Variants in ABHD6 observed in about 807,000 individuals in gnomAD.
ABHD6 encodes the protein abhydrolase domain containing 6, acylglycerol lipase.
ABHD6 carries 33 observed loss-of-function variants against 38.8 expected under a neutral mutation model. The observed-to-expected ratio is 0.85, with a 90% confidence interval of 0.64 to 1.14. The LOEUF (loss-of-function observed/expected upper bound fraction) is 1.14, where lower values mean the gene tolerates loss of function less well. ABHD6 is among the 50% of genes most tolerant of loss of function. The pLI is 0.00. For synonymous variants in ABHD6, 147 were observed against 161.6 expected (o/e 0.91, Z 0.69); for missense variants, 380 against 422.6 (o/e 0.90, Z 0.88).
At chr3:58,272,197 T>C (rs2097445527) in intron 6 of ABHD6, among the ~76,000 whole-genome samples, 1 of 152,192 alleles carries the variant, frequency 6.6e-6, no homozygotes. Flanking sequence ...TTTTTACGTA[T>C]GCAGTTACCA....
At chr3:58,274,602 T>C in intron 6 of ABHD6, 56 bp from the exon 7 acceptor site, 1 of 1,552,088 alleles carries the variant, frequency 6.4e-7, no homozygotes, top group East Asian at 2.3e-5. Flanking sequence ...CTATATAAAA[T>C]GGGATTGGTA....
chr3:58,269,260 GA>G lies in ABHD6; in HGVS notation c.277-57del. Reference sequence around the variant, plus strand: ...CACTGTACATGGGGCAACCTCCCAAGAAAATGGGCAGACATGTTTTGCACAC... The same window carrying G: ...CACTGTACATGGGGCAACCTCCCAAGAAATGGGCAGACATGTTTTGCACAC... On this transcript the variant is annotated intron_variant, in intron 4 of 9. Coordinates refer to ENST00000478253, the MANE Select transcript of ABHD6 (RefSeq NM_001320126.2). This position sits in a 1 kb window ranked among gnomAD's most constrained non-coding sequence, Gnocchi z 4.4. 1 of 1,362,398 alleles carries G rather than the reference GA, an allele frequency of 7.3e-7. No homozygotes were observed. The highest frequency in any genetic ancestry group is 1.0e-6 in the Non-Finnish European group (1 of 961,076). 84.4% of individuals were successfully genotyped at this position (1,362,398 alleles called of 1,614,324 possible). A position where few individuals can be genotyped will look rare whatever the true frequency, so the allele number is the denominator to read the frequency against.
chr3:58,259,505 CCCCG>C lies in ABHD6; in HGVS notation c.119+2801_119+2804del, dbSNP rs1409706151. Among the ~76,000 whole-genome samples, 12 of 152,050 alleles carry C rather than the reference CCCCG, an allele frequency of 7.9e-5. No individual in the cohort carries two copies. The South Asian group carries it at 1.9e-3, about 24-fold the overall frequency. Reference sequence around the variant, plus strand: ...GACCAGCCTGGCCAACATGGCGAAACCCCGTCTCTACTAAAAATACAAAAAATTA... The same window carrying C: ...GACCAGCCTGGCCAACATGGCGAAACTCTCTACTAAAAATACAAAAAATTA... On this transcript the variant is annotated intron_variant, in intron 3 of 9. Coordinates refer to ENST00000478253, the MANE Select transcript of ABHD6 (RefSeq NM_001320126.2). This position sits in a 1 kb window ranked among gnomAD's most constrained non-coding sequence, Gnocchi z 4.7.
At chr3:58,246,119 C>G (rs1270709550) in intron 1 of ABHD6, among the ~76,000 whole-genome samples, 3 of 152,190 alleles carry the variant, frequency 2.0e-5, no homozygotes, top group African/African-American at 7.2e-5. Flanking sequence ...CAAATCAAAG[C>G]CTGTTGTGGG....
chr3:58,248,934 C>G (rs1269256009), intron 1 of ABHD6, among the ~76,000 whole-genome samples: 1 of 152,136 alleles, frequency 6.6e-6, no homozygotes, highest in Non-Finnish European at 1.5e-5. Flanking sequence ...ATTTGCATAT[C>G]TCTTATTATA....
chr3:58,240,325 C>T lies in ABHD6; in HGVS notation c.-91+2409C>T, dbSNP rs1033119247. Among the ~76,000 whole-genome samples, 2 of 151,768 alleles carry T rather than the reference C, an allele frequency of 1.3e-5. 1 individual carries two copies. The highest frequency in any genetic ancestry group is 1.3e-4 in the Admixed American group (2 of 15,244). ...AACTCTTGGGCTCAAGTGATTCTCC[C>T]ACCTCAGCCTCCCAAGTAGCTAGAA... On this transcript the variant is annotated intron_variant, in intron 1 of 9. Transcript: ENST00000478253.
At chr3:58,252,190 G>A (rs1401550868) in intron 2 of ABHD6, among the ~76,000 whole-genome samples, 1 of 144,098 alleles carries the variant, frequency 6.9e-6, no homozygotes, top group Non-Finnish European at 1.5e-5. Flanking sequence ...CTATATTCAT[G>A]TGTCACCTAC....
Position 58,256,687 on chromosome 3 carries a change from T to C in ABHD6, c.101T>C (p.Leu34Pro). ...VASFLLWPSALIRIYYWYWRR... is the reference protein window; with the variant it reads ...VASFLLWPSAPIRIYYWYWRR... The stretch of plus-strand genomic sequence containing the variant: ...TCATTTCTTCTGTGGCCTTCAGCAC[T>C]GATAAGAATCTATTATTGGTAAGCC... Residue 34 changes from leucine to proline, a missense_variant, in exon 3 of 10, where the codon CTG becomes CCG. Coordinates refer to ENST00000478253, the MANE Select transcript of ABHD6 (RefSeq NM_001320126.2). This position sits in a 1 kb window ranked among gnomAD's most constrained non-coding sequence, Gnocchi z 4.3. The C allele has an allele frequency of 6.2e-7, 1 of 1,612,416 alleles. No homozygotes were observed. The highest frequency in any genetic ancestry group is 8.5e-7 in the Non-Finnish European group (1 of 1,179,642).
chr3:58,288,263 C>G (rs1439326602), intron 9 of ABHD6, among the ~76,000 whole-genome samples: 1 of 152,190 alleles, frequency 6.6e-6, no homozygotes, highest in African/African-American at 2.4e-5. Flanking sequence ...CCAAATTCAG[C>G]TTCCTTCTTC....
At position 58,257,226 on chromosome 3, in the gene ABHD6, A is replaced by G. The variant is rs1258215627; in HGVS notation, c.119+521A>G. On this transcript the variant is annotated intron_variant, in intron 3 of 9. Coordinates refer to ENST00000478253, the MANE Select transcript of ABHD6 (RefSeq NM_001320126.2). This position sits in a 1 kb window ranked among gnomAD's most constrained non-coding sequence, Gnocchi z 4.8. ...CCGGCCCTTTTAGGTTTCTGATAGC[A>G]TCTTTCTCCACCCACATTCCCAAAG... Among the ~76,000 whole-genome samples, 1 of 151,882 alleles carries G rather than the reference A, an allele frequency of 6.6e-6. No homozygotes were observed. Among genetic ancestry groups the G allele is most frequent in the Non-Finnish European group, 1.5e-5 (1 of 67,962 alleles).
chr3:58,261,718 G>A (rs899602633), intron 3 of ABHD6, among the ~76,000 whole-genome samples: 17 of 152,182 alleles, frequency 1.1e-4, no homozygotes, highest in Non-Finnish European at 2.4e-4. Context: ...TGGTGAGGAT[G>A]TGGAGAGATT....
chr3:58,274,913 C>A, intron 7 of ABHD6, 98 bp downstream of exon 7: 2 of 1,394,382 alleles, frequency 1.4e-6, no homozygotes, highest in Non-Finnish European at 2.0e-6. Flanking sequence ...TACTCATTGA[C>A]TACTTCTTGT....
chr3:58,259,933 T>C lies in ABHD6; in HGVS notation c.119+3228T>C, dbSNP rs2107441336. ...TTACGGACATTTCACGTAAACGGGG[T>C]TATACATGTGTGACCTTTGTGTCTG... is the stretch of plus-strand genomic sequence containing the variant. On this transcript the variant is annotated intron_variant, in intron 3 of 9. Transcript: ENST00000478253. The surrounding 1 kb of genome is among the most constrained non-coding windows in gnomAD (Gnocchi z 4.7). 6.6e-6 allele frequency among the ~76,000 whole-genome samples: 1 copy of C among 152,276 alleles called. No homozygotes were observed. The highest frequency in any genetic ancestry group is 2.4e-5 in the African/African-American group (1 of 41,546).
At chr3:58,288,879 A>G (rs2097459427) in intron 9 of ABHD6, among the ~76,000 whole-genome samples, 1 of 152,102 alleles carries the variant, frequency 6.6e-6, no homozygotes, top group South Asian at 2.1e-4. Flanking sequence ...GCCTTTTTCC[A>G]TTAATGTTTT....
chr3:58,291,070 G>C (rs1306645371), intron 9 of ABHD6, among the ~76,000 whole-genome samples: 3 of 150,100 alleles, frequency 2.0e-5, no homozygotes, highest in Non-Finnish European at 4.4e-5. Flanking sequence ...TCACACCACT[G>C]CACTCCAGCC....
At chr3:58,271,701 T>C (rs951319338) in intron 6 of ABHD6, among the ~76,000 whole-genome samples, 3 of 151,488 alleles carry the variant, frequency 2.0e-5, no homozygotes, top group African/African-American at 7.3e-5. Context: ...GTCTTTAGAG[T>C]TGTATTTATA....
In ABHD6 at chr3:58,251,435, A is replaced by G. The variant is rs961488245; in HGVS notation, c.-26+1493A>G. 1.3e-5 allele frequency among the ~76,000 whole-genome samples: 2 copies of G among 152,214 alleles called. No individual in the cohort carries two copies. The highest frequency in any genetic ancestry group is 1.3e-4 in the Admixed American group (2 of 15,274). ...TGTTTATTCTTGGATTTTACTTTAT[A>G]CCCTGAAGACTAAGATATTGGAACT... On this transcript the variant is annotated intron_variant, in intron 2 of 9. Coordinates refer to ENST00000478253, the MANE Select transcript of ABHD6 (RefSeq NM_001320126.2). This position sits in a 1 kb window ranked among gnomAD's most constrained non-coding sequence, Gnocchi z 5.4.
At position 58,265,053 on chromosome 3, in the gene ABHD6, C is replaced by T. The variant is rs995528967; in HGVS notation, c.120-2136C>T. On this transcript the variant is annotated intron_variant, in intron 3 of 9. Coordinates refer to ENST00000478253, the MANE Select transcript of ABHD6 (RefSeq NM_001320126.2). The surrounding 1 kb of genome is among the most constrained non-coding windows in gnomAD (Gnocchi z 4.2). ...CCCACTTCTCCCCTACCCCCAGCTA[C>T]TCATCTCAGCCTCTGGTAACCATCC... 6.6e-6 allele frequency among the ~76,000 whole-genome samples: 1 copy of T among 152,158 alleles called. No individual in the cohort carries two copies. The highest frequency in any genetic ancestry group is 1.5e-5 in the Non-Finnish European group (1 of 68,026).
At position 58,257,372 on chromosome 3, in the gene ABHD6, GTTTT is replaced by G. The variant is rs373869488; in HGVS notation, c.119+674_119+677del. On this transcript the variant is annotated intron_variant, in intron 3 of 9. Transcript: ENST00000478253. This position sits in a 1 kb window ranked among gnomAD's most constrained non-coding sequence, Gnocchi z 4.8. ...GGTTGGTTTTTTGGGTTTTTGTTTG[GTTTT>G]TTTTTTGAAACAGTCTCCCTCTGTC... Among the ~76,000 whole-genome samples, 1 of 82,888 alleles carries G rather than the reference GTTTT, an allele frequency of 1.2e-5. No individual in the cohort carries two copies. Among genetic ancestry groups the G allele is most frequent in the African/African-American group, 7.1e-5 (1 of 14,152 alleles). 54.4% of individuals were successfully genotyped at this position (82,888 alleles called of 152,430 possible).
Sources: gnomAD v4.1 joint callset for allele counts (sites outside exome capture counted in the v4.1 genomes callset) on GRCh38, gnomAD v4.1.1 for gene constraint, Gnocchi (gnomAD v3.1) non-coding constraint, MANE v1.5 for transcripts, NCBI Gene and HGNC (gene_info 2026-07-23, HGNC 2026-07-21) for gene names.